The following STKLD1 variants were observed in gnomAD, a reference collection of about 807,000 sequenced individuals.
STKLD1 encodes the protein serine/threonine kinase-like domain-containing protein STKLD1.
Under a neutral mutation model 80.4 loss-of-function variants are expected in STKLD1, and 79 were observed. The observed-to-expected ratio is 0.98, with a 90% CI of 0.82 to 1.19. The LOEUF (loss-of-function observed/expected upper bound fraction) is 1.19, where lower values mean the gene tolerates loss of function less well. STKLD1 is among the 50% of genes most tolerant of loss of function. The pLI is 0.00. For synonymous variants in STKLD1, 393 were observed against 357.6 expected, an observed-to-expected ratio of 1.10 and a Z score of -1.12; for missense variants, 841 against 856.0, an observed-to-expected ratio of 0.98 and a Z score of 0.22.
chr9:133,377,468 C>T (rs1459818261), intron 1 of STKLD1, among the ~76,000 whole-genome samples: 3 of 152,172 alleles, frequency 2.0e-5, no homozygotes, highest in Non-Finnish European at 4.4e-5. Flanking sequence ...GAGTTCAAGA[C>T]CAGCCTGACC....
intron 5 of STKLD1, chr9:133,387,811 T>G (rs2130280899): frequency 1.7e-6 from 1 of 591,106 alleles, no homozygotes; most frequent in Non-Finnish European, 3.2e-6. Flanking sequence ...TGACCATGAT[T>G]CCAGATTGTT....
intron 4 of STKLD1, among the ~76,000 whole-genome samples, chr9:133,386,107 C>T (rs1043423145): frequency 1.3e-5 from 2 of 152,182 alleles, no homozygotes; most frequent in East Asian, 1.9e-4. Flanking sequence ...TTAGTAGAGA[C>T]GGGGTTTCAC....
intron 11 of STKLD1, among the ~76,000 whole-genome samples, chr9:133,399,878 CAAAA>C (rs781902375): frequency 2.2e-5 from 3 of 133,954 alleles, no homozygotes; most frequent in Non-Finnish European, 3.2e-5. Context: ...GACTCTGTTT[CAAAA>C]AAAAAAAAAA....
At chr9:133,387,615 GGCAAAGTAACA>G in intron 5 of STKLD1, 67 bp downstream of exon 5, 1 of 1,309,502 alleles carries the variant, frequency 7.6e-7, no homozygotes, top group South Asian at 1.2e-5. Flanking sequence ...TGCGGTGCAG[GGCAAAGTAACA>G]GCGGGAGGGC....
Position 133,385,055 on chromosome 9 carries a change from C to T in STKLD1, c.220-562C>T, listed in dbSNP as rs2130273625. On this transcript the variant is annotated intron_variant, in intron 3 of 17. Transcript: ENST00000371957. This position sits in a 1 kb window ranked among gnomAD's most constrained non-coding sequence, Gnocchi z 4.9. ...ATGGGGCCTGCCCAGAGCCGCACGCCGCCGTGGCTTTTCACGTTGCCGATT... is the reference window on the plus strand; with the variant it reads ...ATGGGGCCTGCCCAGAGCCGCACGCTGCCGTGGCTTTTCACGTTGCCGATT... Among the ~76,000 whole-genome samples, 5 of 152,096 alleles carry T rather than the reference C, an allele frequency of 3.3e-5. No homozygotes were observed. Among genetic ancestry groups the T allele is most frequent in the Non-Finnish European group, 5.9e-5 (4 of 68,036 alleles).
Position 133,385,488 on chromosome 9 carries a change from A to G in STKLD1, c.220-129A>G. 1.2e-6 allele frequency: 1 copy of G among 868,488 alleles called. No homozygotes were observed. Among genetic ancestry groups the G allele is most frequent in the Middle Eastern group, 2.3e-4 (1 of 4,392 alleles). 53.8% of individuals were successfully genotyped at this position (868,488 alleles called of 1,614,324 possible). On this transcript the variant is annotated intron_variant, in intron 3 of 17. Transcript: ENST00000371957. This position sits in a 1 kb window ranked among gnomAD's most constrained non-coding sequence, Gnocchi z 4.9. ...TCCCAACCACCGTGCAGCTTCCCTG[A>G]GCCCACTCCCTGGCCCAGCTCAGAG...
At chr9:133,383,607 T>C (rs1349912914) in intron 2 of STKLD1, among the ~76,000 whole-genome samples, 512 of 149,772 alleles carry the variant, frequency 3.4e-3, no homozygotes, top group African/African-American at 8.1e-3. Flanking sequence ...GGTGATGGAG[T>C]GATGGTGGTA....
intron 2 of STKLD1, among the ~76,000 whole-genome samples, chr9:133,380,255 C>T (rs1231363923): frequency 6.6e-6 from 1 of 152,002 alleles, no homozygotes; most frequent in Non-Finnish European, 1.5e-5. Context: ...AGGCTGGTCT[C>T]GAACTCCTGG....
At chr9:133,388,687 C>T in intron 5 of STKLD1, 1 of 924,740 alleles carries the variant, frequency 1.1e-6, no homozygotes, top group Non-Finnish European at 1.3e-6. Flanking sequence ...AGATACTCTC[C>T]TCTGTCTTAT....
rs1483398902 is a variant in STKLD1 at position 133,391,174 on chromosome 9, CCGGG to C, written c.583+379_583+382del. On this transcript the variant is annotated intron_variant, in intron 7 of 17. Transcript: ENST00000371957. ...CCCCCCGCCCGGCCAGCCGCCCCGT[CCGGG>C]AGGGAGGTGGGGGGCTCAGCCCCCC... is the stretch of plus-strand genomic sequence containing the variant. Among the ~76,000 whole-genome samples the C allele has an allele frequency of 8.2e-4, 124 of 151,210 alleles. 6 individuals carry two copies. Among genetic ancestry groups the C allele is most frequent in the Non-Finnish European group, 1.4e-3 (94 of 67,458 alleles).
intron 7 of STKLD1, among the ~76,000 whole-genome samples, chr9:133,393,657 G>GA (rs1554776302): frequency 1.4e-5 from 2 of 144,910 alleles, no homozygotes; most frequent in African/African-American, 5.2e-5. Context: ...GGGTGGGTGG[G>GA]TGGATGGATG....
In STKLD1 at chr9:133,394,186, C is replaced by CG. The variant is rs1413108410; in HGVS notation, c.584-99dup. 9 of 755,204 alleles carry CG rather than the reference C, an allele frequency of 1.2e-5. No homozygotes were observed. The highest frequency in any genetic ancestry group is 9.6e-6 in the Non-Finnish European group (4 of 418,440). The allele number at this position is 755,204 out of a possible 1,614,324, so 46.8% of individuals were successfully genotyped here. ...CAGGGCTTGTGTTTCAAGCTGCTTG[C>CG]GGGGGGCCACCAAAGGGGATACAGT... On this transcript the variant is annotated intron_variant, in intron 7 of 17. Transcript: ENST00000371957. The surrounding 1 kb of genome is among the most constrained non-coding windows in gnomAD (Gnocchi z 4.9).
In STKLD1 at chr9:133,389,239, G is replaced by GCCTGTGGGCAGGA; in HGVS notation, c.397-287_397-286insCCTGTGGGCAGGA. The GCCTGTGGGCAGGA allele has an allele frequency of 1.0e-6, 1 of 985,432 alleles. No individual in the cohort carries two copies. Among genetic ancestry groups the GCCTGTGGGCAGGA allele is most frequent in the South Asian group, 4.7e-5 (1 of 21,288 alleles). The allele number at this position is 985,432 out of a possible 1,614,324, so 61.0% of individuals were successfully genotyped here. A position where few individuals can be genotyped will look rare whatever the true frequency, so the allele number is the denominator to read the frequency against. The stretch of plus-strand genomic sequence containing the variant: ...CAAGTGTGGGGCAGCGCGGGCCACA[G>GCCTGTGGGCAGGA]AGTAGGGTGCAGGGATGGGGCCCCT... On this transcript the variant is annotated intron_variant, in intron 5 of 17. Transcript: ENST00000371957. The surrounding 1 kb of genome is among the most constrained non-coding windows in gnomAD (Gnocchi z 6.4).
chr9:133,377,669 G>C (rs1346351673), intron 1 of STKLD1, among the ~76,000 whole-genome samples: 1 of 146,112 alleles, frequency 6.8e-6, no homozygotes, highest in African/African-American at 2.5e-5. Flanking sequence ...GTCTCAGAAA[G>C]AAAAAAAAAA....
At chr9:133,395,982 C>T (rs1838552664) in intron 9 of STKLD1, 2 of 449,644 alleles carry the variant, frequency 4.4e-6, no homozygotes, top group Admixed American at 3.6e-5. Flanking sequence ...GCAGACTGAC[C>T]CCCAGGAGGC....
rs1248786226 is a variant in STKLD1 at position 133,381,450 on chromosome 9, C to CTT, written c.174+2344_174+2345dup. Among the ~76,000 whole-genome samples, 97 of 91,162 alleles carry CTT rather than the reference C, an allele frequency of 1.1e-3. 1 individual carries two copies. The highest frequency in any genetic ancestry group is 3.9e-3 in the African/African-American group (92 of 23,766). The allele number at this position is 91,162 out of a possible 152,430, so 59.8% of individuals were successfully genotyped here. A position where few individuals can be genotyped will look rare whatever the true frequency, so the allele number is the denominator to read the frequency against. ...AGGCGTGAGCCACCCCACCCAGCCGCTTTTTTTTTTTTTTTTTGAGACGGA... is the reference window on the plus strand; with the variant it reads ...AGGCGTGAGCCACCCCACCCAGCCGCTTTTTTTTTTTTTTTTTTTGAGACGGA... On this transcript the variant is annotated intron_variant, in intron 2 of 17. Coordinates refer to ENST00000371957, the MANE Select transcript of STKLD1 (RefSeq NM_153710.5).
chr9:133,396,746 A>G (rs895374138), intron 9 of STKLD1, among the ~76,000 whole-genome samples: 5 of 152,148 alleles, frequency 3.3e-5, no homozygotes, highest in Non-Finnish European at 7.4e-5. Context: ...GACAAGAGTG[A>G]AACTCCATCT....
chr9:133,387,089 A>C (rs1838281422), intron 4 of STKLD1, among the ~76,000 whole-genome samples: 1 of 152,122 alleles, frequency 6.6e-6, no homozygotes, highest in African/African-American at 2.4e-5. Flanking sequence ...GGGTCCTCAG[A>C]GGAAATGGGT....
At chr9:133,397,708 C>T (rs1417744973) in intron 10 of STKLD1, among the ~76,000 whole-genome samples, 1 of 152,200 alleles carries the variant, frequency 6.6e-6, no homozygotes, top group Non-Finnish European at 1.5e-5. Flanking sequence ...CTGCGTGCTT[C>T]TATGTGCCCA....
Sources: allele counts gnomAD v4.1 joint callset (sites outside exome capture counted in the v4.1 genomes callset), GRCh38; gene constraint gnomAD v4.1.1; non-coding constraint Gnocchi (gnomAD v3.1); transcripts MANE v1.5; gene names NCBI Gene and HGNC (gene_info 2026-07-23, HGNC 2026-07-21).